Variants in PCDHB16 observed in about 807,000 individuals in gnomAD.
The protein encoded by PCDHB16 is protocadherin beta-16.
For missense variants in PCDHB16, 1,026 were observed against 989.9 expected, an observed-to-expected ratio of 1.04 and a Z score of -0.49; for synonymous variants, 444 against 436.5, an observed-to-expected ratio of 1.02 and a Z score of -0.21.
chr5:141,182,806 G>C lies in PCDHB16; in HGVS notation c.247G>C (p.Asp83His). Residue 83 changes from aspartate to histidine, a missense_variant, in exon 1 of 1, where the codon GAT (aspartate) becomes CAT (histidine). Asp to His is a moderately conservative substitution (Grantham distance 81). Coordinates refer to ENST00000609684, the MANE Select transcript of PCDHB16 (RefSeq NM_020957.4). ...TTTGCAGCTCAAGGCTCAAACTGGG[G>C]ATTTGCTCATAAATGAGAAGCTAGA... ...QHLQLKAQTGDLLINEKLDRE... is the reference protein window; with the variant it reads ...QHLQLKAQTGHLLINEKLDRE... 1 of 1,614,120 alleles carries C rather than the reference G, an allele frequency of 6.2e-7. No homozygotes were observed. The highest frequency in any genetic ancestry group is 8.5e-7 in the Non-Finnish European group (1 of 1,180,022).
chr5:141,185,078 A>G lies in PCDHB16; in HGVS notation c.*188A>G, dbSNP rs1753689538. 2.1e-6 allele frequency: 3 copies of G among 1,420,360 alleles called. No homozygotes were observed. Among genetic ancestry groups the G allele is most frequent in the Admixed American group, 6.4e-5 (2 of 31,274 alleles). 88.0% of individuals were successfully genotyped at this position (1,420,360 alleles called of 1,614,324 possible). On this transcript the variant is annotated 3_prime_UTR_variant, in exon 1 of 1. Coordinates refer to ENST00000609684, the MANE Select transcript of PCDHB16 (RefSeq NM_020957.4). ...TAGTTCAAATTATATTGTTAATTCC[A>G]GTTTCCCTTTTCCTCATATTTACCC...
chr5:141,183,685 G>A lies in PCDHB16; in HGVS notation c.1126G>A (p.Gly376Arg), dbSNP rs201387795. 3.3e-5 allele frequency: 54 copies of A among 1,614,086 alleles called. No homozygotes were observed. The African/African-American group carries it at 3.7e-4, about 11-fold the overall frequency. Residue 376 changes from glycine (G) to arginine (R), a missense_variant, in exon 1 of 1, where the codon GGA becomes AGA. Gly to Arg is a moderately radical substitution (Grantham distance 125). Coordinates refer to ENST00000609684, the MANE Select transcript of PCDHB16 (RefSeq NM_020957.4). ...AVFSVSDPDSGNNGKTISSIQ... is the reference protein window; with the variant it reads ...AVFSVSDPDSRNNGKTISSIQ... ...TTTCAGCGTTTCAGATCCTGACTCC[G>A]GAAACAATGGGAAGACGATTTCCTC...
chr5:141,182,950 C>T lies in PCDHB16; in HGVS notation c.391C>T (p.Pro131Ser). The T allele has an allele frequency of 6.2e-7, 1 of 1,614,138 alleles. No homozygotes were observed. The highest frequency in any genetic ancestry group is 8.5e-7 in the Non-Finnish European group (1 of 1,180,014). ...GGTGATAGATATAAATGACCATTCTCCCATGTTCACTGAAAAGGAAATGAT... is the reference window on the plus strand; with the variant it reads ...GGTGATAGATATAAATGACCATTCTTCCATGTTCACTGAAAAGGAAATGAT... The part of the protein sequence containing the change: ...LRVIDINDHS[P>S]MFTEKEMILK... The change falls in exon 1 of 1, where the codon CCC (proline) becomes TCC (serine). Residue 131 changes from proline (P) to serine (S), a missense_variant. Coordinates refer to ENST00000609684, the MANE Select transcript of PCDHB16 (RefSeq NM_020957.4).
Position 141,183,210 on chromosome 5 carries a change from TG to T in PCDHB16, c.653del (p.Gly218AlafsTer52), listed in dbSNP as rs1554282102. The T allele has an allele frequency of 1.3e-5, 21 of 1,614,170 alleles. No individual in the cohort carries two copies. Among genetic ancestry groups the T allele is most frequent in the Non-Finnish European group, 1.8e-5 (21 of 1,180,034 alleles). On this transcript the variant is annotated frameshift_variant, in exon 1 of 1. Coordinates refer to ENST00000609684, the MANE Select transcript of PCDHB16 (RefSeq NM_020957.4). LOFTEE classifies it low-confidence loss of function (END_TRUNC). ...LRLTLTALDG[G>X]SPPRSGTAQV... ...GATTAACCCTGACAGCGCTGGATGG[TG>T]GCTCTCCACCGCGATCTGGAACTGC...
chr5:141,185,468 T>C lies in PCDHB16; in HGVS notation c.*578T>C, dbSNP rs1355566214. ...TCTTGTCACCCAGGCTGGAGTGCAG[T>C]GGTACAATCTTGGCTCACTGCAACC... On this transcript the variant is annotated 3_prime_UTR_variant, in exon 1 of 1. Coordinates refer to ENST00000609684, the MANE Select transcript of PCDHB16 (RefSeq NM_020957.4). The C allele has an allele frequency of 2.0e-5, 11 of 551,122 alleles. No homozygotes were observed. The highest frequency in any genetic ancestry group is 2.5e-5 in the Non-Finnish European group (11 of 432,240). 34.1% of individuals were successfully genotyped at this position (551,122 alleles called of 1,614,324 possible).
rs1419897774 is a variant in PCDHB16, at chr5:141,185,848, A to G, written c.*958A>G. ...ATATGAGAAATCTTTAACCAGCCTT[A>G]TCTAAAAATAAAAAGAGAAGCCATT... On this transcript the variant is annotated 3_prime_UTR_variant, in exon 1 of 1. Transcript: ENST00000609684. 1.0e-6 allele frequency: 1 copy of G among 992,198 alleles called. No individual in the cohort carries two copies. The highest frequency in any genetic ancestry group is 1.2e-6 in the Non-Finnish European group (1 of 822,726). 61.5% of individuals were successfully genotyped at this position (992,198 alleles called of 1,614,324 possible).
At position 141,182,787 on chromosome 5, in the gene PCDHB16, G is replaced by T; in HGVS notation, c.228G>T (p.Gln76His). The part of the protein sequence containing the change: ...IISQGNKQHL[Q>H]LKAQTGDLLI... The stretch of plus-strand genomic sequence containing the variant: ...CCCAGGGGAACAAACAGCATTTGCA[G>T]CTCAAGGCTCAAACTGGGGATTTGC... Residue 76 changes from glutamine (Q) to histidine (H), a missense_variant, in exon 1 of 1, where the codon CAG becomes CAT. Physicochemically the swap from Gln to His is conservative, Grantham distance 24. Coordinates refer to ENST00000609684, the MANE Select transcript of PCDHB16 (RefSeq NM_020957.4). 1.9e-6 allele frequency: 3 copies of T among 1,614,110 alleles called. No individual in the cohort carries two copies. Among genetic ancestry groups the T allele is most frequent in the Non-Finnish European group, 2.5e-6 (3 of 1,180,000 alleles).
In PCDHB16 at chr5:141,184,984, C is replaced by G; in HGVS notation, c.*94C>G. On this transcript the variant is annotated 3_prime_UTR_variant, in exon 1 of 1. Coordinates refer to ENST00000609684, the MANE Select transcript of PCDHB16 (RefSeq NM_020957.4). ...ACCCATTTGATAAATTCCTTAACTTCTTATGATTGTCTTGTTGATTAAATT... is the reference window on the plus strand; with the variant it reads ...ACCCATTTGATAAATTCCTTAACTTGTTATGATTGTCTTGTTGATTAAATT... The G allele has an allele frequency of 2.0e-6, 3 of 1,510,596 alleles. No individual in the cohort carries two copies. Among genetic ancestry groups the G allele is most frequent in the Admixed American group, 2.4e-5 (1 of 42,464 alleles). The allele number at this position is 1,510,596 out of a possible 1,614,324, so 93.6% of individuals were successfully genotyped here. A position where few individuals can be genotyped will look rare whatever the true frequency, so the allele number is the denominator to read the frequency against.
Position 141,185,996 on chromosome 5 carries a change from T to C in PCDHB16, c.*1106T>C. On this transcript the variant is annotated 3_prime_UTR_variant, in exon 1 of 1. Coordinates refer to ENST00000609684, the MANE Select transcript of PCDHB16 (RefSeq NM_020957.4). Reference sequence around the variant, plus strand: ...ATTAAAAAATCAGAGGTCCCTGTTATATTTTTAATGGCTAACAACTCAATC... The same window carrying C: ...ATTAAAAAATCAGAGGTCCCTGTTACATTTTTAATGGCTAACAACTCAATC... The C allele has an allele frequency of 2.1e-6, 2 of 969,856 alleles. No individual in the cohort carries two copies. Among genetic ancestry groups the C allele is most frequent in the African/African-American group, 1.8e-5 (1 of 56,614 alleles). 60.1% of individuals were successfully genotyped at this position (969,856 alleles called of 1,614,324 possible). A position where few individuals can be genotyped will look rare whatever the true frequency, so the allele number is the denominator to read the frequency against.
chr5:141,183,684 C>G lies in PCDHB16; in HGVS notation c.1125C>G (p.Ser375=). 5 of 1,614,134 alleles carry G rather than the reference C, an allele frequency of 3.1e-6. No individual in the cohort carries two copies. Among genetic ancestry groups the G allele is most frequent in the Non-Finnish European group, 4.2e-6 (5 of 1,180,022 alleles). Residue 375 remains serine (S), a synonymous_variant, in exon 1 of 1, where the codon TCC becomes TCG. Transcript: ENST00000609684. ...TTTTCAGCGTTTCAGATCCTGACTC[C>G]GGAAACAATGGGAAGACGATTTCCT... ...VAVFSVSDPD[S]GNNGKTISSI... is the part of the protein sequence containing the mutation.
At position 141,185,275 on chromosome 5, in the gene PCDHB16, T is replaced by C. The variant is rs782643830; in HGVS notation, c.*385T>C. On this transcript the variant is annotated 3_prime_UTR_variant, in exon 1 of 1. Transcript: ENST00000609684. ...GAACTTCAAGTATTAAAATAACCTG[T>C]TGCATGTATTAGGCATATTTCCTAT... is the stretch of plus-strand genomic sequence containing the variant. 1.9e-5 allele frequency: 18 copies of C among 961,726 alleles called. No individual in the cohort carries two copies. The highest frequency in any genetic ancestry group is 2.2e-5 in the Non-Finnish European group (17 of 788,296). 59.6% of individuals were successfully genotyped at this position (961,726 alleles called of 1,614,324 possible). A position where few individuals can be genotyped will look rare whatever the true frequency, so the allele number is the denominator to read the frequency against.
At position 141,182,755 on chromosome 5, in the gene PCDHB16, A is replaced by T; in HGVS notation, c.196A>T (p.Ile66Phe). Residue 66 changes from isoleucine (I) to phenylalanine (F), a missense_variant, in exon 1 of 1, where the codon ATC becomes TTC. Coordinates refer to ENST00000609684, the MANE Select transcript of PCDHB16 (RefSeq NM_020957.4). ...AGAGATGTCCACCCGCAAGGCCAGG[A>T]TCATTTCCCAGGGGAACAAACAGCA... is the stretch of plus-strand genomic sequence containing the variant. ...LTEMSTRKARIISQGNKQHLQ... is the reference protein window; with the variant it reads ...LTEMSTRKARFISQGNKQHLQ... 2 of 1,613,048 alleles carry T rather than the reference A, an allele frequency of 1.2e-6. No individual in the cohort carries two copies. Among genetic ancestry groups the T allele is most frequent in the Non-Finnish European group, 8.5e-7 (1 of 1,179,122 alleles).
Position 141,183,470 on chromosome 5 carries a change from G to C in PCDHB16, c.911G>C (p.Arg304Thr), listed in dbSNP as rs1753619630. The C allele has an allele frequency of 6.2e-7, 1 of 1,614,074 alleles. No individual in the cohort carries two copies. The highest frequency in any genetic ancestry group is 1.7e-5 in the Admixed American group (1 of 60,012). The change falls in exon 1 of 1, where the codon AGA becomes ACA. Residue 304 changes from arginine (R) to threonine (T), a missense_variant. Transcript: ENST00000609684. ...VNPMTGEVRL[R>T]KQVDFEMVTS... Reference sequence around the variant, plus strand: ...CCTATGACAGGGGAAGTTCGACTGAGAAAGCAAGTAGATTTCGAAATGGTT... The same window carrying C: ...CCTATGACAGGGGAAGTTCGACTGACAAAGCAAGTAGATTTCGAAATGGTT...
At position 141,183,696 on chromosome 5, in the gene PCDHB16, G is replaced by A. The variant is rs782620802; in HGVS notation, c.1137G>A (p.Gly379=). 2.5e-6 allele frequency: 4 copies of A among 1,614,154 alleles called. No individual in the cohort carries two copies. The highest frequency in any genetic ancestry group is 3.3e-5 in the Admixed American group (2 of 60,018). The change falls in exon 1 of 1, where the codon GGG becomes GGA. Residue 379 remains glycine, a synonymous_variant. Transcript: ENST00000609684. ...CAGATCCTGACTCCGGAAACAATGG[G>A]AAGACGATTTCCTCCATCCAGGAAG... is the stretch of plus-strand genomic sequence containing the variant. ...SVSDPDSGNN[G]KTISSIQEDL...
chr5:141,183,346 A>C lies in PCDHB16; in HGVS notation c.787A>C (p.Thr263Pro). 1 of 1,614,208 alleles carries C rather than the reference A, an allele frequency of 6.2e-7. No homozygotes were observed. The highest frequency in any genetic ancestry group is 8.5e-7 in the Non-Finnish European group (1 of 1,180,046). The change falls in exon 1 of 1, where the codon ACC becomes CCC. Residue 263 changes from threonine to proline, a missense_variant. Thr to Pro is a conservative substitution (Grantham distance 38). Transcript: ENST00000609684. ...ENSPLGSLVATVSARDLDGGA... is the reference protein window; with the variant it reads ...ENSPLGSLVAPVSARDLDGGA... Reference sequence around the variant, plus strand: ...CAGTCCTCTTGGCTCCCTGGTTGCCACCGTCTCCGCCAGGGATTTAGACGG... The same window carrying C: ...CAGTCCTCTTGGCTCCCTGGTTGCCCCCGTCTCCGCCAGGGATTTAGACGG...
Position 141,182,516 on chromosome 5 carries a change from G to A in PCDHB16, c.-44G>A. The A allele has an allele frequency of 5.4e-6, 8 of 1,485,154 alleles. No homozygotes were observed. The highest frequency in any genetic ancestry group is 7.2e-6 in the Non-Finnish European group (8 of 1,109,258). The allele number at this position is 1,485,154 out of a possible 1,614,324, so 92.0% of individuals were successfully genotyped here. On this transcript the variant is annotated 5_prime_UTR_variant, in exon 1 of 1. Transcript: ENST00000609684. ...GCAAAACAGTTCTACTAGGATCCTG[G>A]GGATACATGAAGCTTCTGTGAACCA...
rs1025608817 is a variant in PCDHB16, at chr5:141,185,915, C to A, written c.*1025C>A. The stretch of plus-strand genomic sequence containing the variant: ...GTGTAAATGTGTTTGTGTTTGTAGA[C>A]AAAAGGCAAAGGTATTATGTAAAAA... On this transcript the variant is annotated 3_prime_UTR_variant, in exon 1 of 1. Coordinates refer to ENST00000609684, the MANE Select transcript of PCDHB16 (RefSeq NM_020957.4). 2 of 966,666 alleles carry A rather than the reference C, an allele frequency of 2.1e-6. No individual in the cohort carries two copies. The highest frequency in any genetic ancestry group is 6.2e-5 in the Admixed American group (1 of 16,214). The allele number at this position is 966,666 out of a possible 1,614,324, so 59.9% of individuals were successfully genotyped here.
chr5:141,185,171 A>C lies in PCDHB16; in HGVS notation c.*281A>C. 8.7e-7 allele frequency: 1 copy of C among 1,154,992 alleles called. No homozygotes were observed. Among genetic ancestry groups the C allele is most frequent in the Non-Finnish European group, 1.1e-6 (1 of 927,884 alleles). 71.5% of individuals were successfully genotyped at this position (1,154,992 alleles called of 1,614,324 possible). ...TTTATCTTCAAAGTTGATGTCATTT[A>C]AAATTTTTCCGTCTTTATATTTTAT... On this transcript the variant is annotated 3_prime_UTR_variant, in exon 1 of 1. Coordinates refer to ENST00000609684, the MANE Select transcript of PCDHB16 (RefSeq NM_020957.4).
In PCDHB16 at chr5:141,182,897, C is replaced by G. The variant is rs1244960852; in HGVS notation, c.338C>G (p.Pro113Arg). The change falls in exon 1 of 1, where the codon CCT becomes CGT. Residue 113 changes from proline (P) to arginine (R), a missense_variant. Pro to Arg is a moderately radical substitution (Grantham distance 103, BLOSUM62 -2). Transcript: ENST00000609684. Reference sequence around the variant, plus strand: ...CATTTCCAAGTGTTAATGGAAAACCCTTTAGAAATATTTCAGGCTGAACTG... The same window carrying G: ...CATTTCCAAGTGTTAATGGAAAACCGTTTAGAAATATTTCAGGCTGAACTG... ...ILHFQVLMEN[P>R]LEIFQAELRV... 9 of 1,614,018 alleles carry G rather than the reference C, an allele frequency of 5.6e-6. No individual in the cohort carries two copies. In the East Asian group the frequency reaches 1.1e-4, roughly 20 times the overall value.
Sources: allele counts gnomAD v4.1 joint callset, GRCh38; gene constraint gnomAD v4.1.1; transcripts MANE v1.5; gene names NCBI Gene and HGNC (gene_info 2026-07-23, HGNC 2026-07-21).